Variants in RBM6 observed in about 807,000 individuals in gnomAD.
RBM6 encodes RNA binding motif protein 6.
In RBM6, 23 loss-of-function variants were observed where a neutral mutation model predicts 140.4. The observed-to-expected ratio is 0.16, with a 90% confidence interval of 0.12 to 0.23. The LOEUF is 0.23. Ranked by LOEUF, RBM6 falls within the 10% of genes least tolerant of loss-of-function variation. RBM6 has a pLI of 1.00. For missense variants in RBM6, 1,139 were observed against 1,386.7 expected, an observed-to-expected ratio of 0.82 and a Z score of 2.84; for synonymous variants, 439 against 475.6, an observed-to-expected ratio of 0.92 and a Z score of 1.00.
intron 2 of RBM6, chr3:49,962,924 C>T (rs906322093): frequency 2.9e-5 from 9 of 307,494 alleles, no homozygotes; most frequent in East Asian, 2.8e-4. Flanking sequence ...GGTGAAACCC[C>T]GTCTCTACTA....
chr3:49,955,826 GTCTCTCTCTCTCTCTGTGTC>G (rs2083956611), intron 1 of RBM6, among the ~76,000 whole-genome samples: 2 of 148,586 alleles, frequency 1.3e-5, no homozygotes, highest in South Asian at 4.3e-4. Flanking sequence ...GCAAAACTCT[GTCTCTCTCTCTCTCTGTGTC>G]TCTCTCTCTC....
chr3:50,058,458 C>A lies in RBM6; in HGVS notation c.2026C>A (p.Leu676Met). The part of the protein sequence containing the change: ...STPPEVIVEV[L>M]EPYVRLTTAN... ...ACCACCTGAGGTGATAGTGGAAGTG[C>A]TGGAGCCCTATGTCCGCCTTACTAC... is the stretch of plus-strand genomic sequence containing the variant. Residue 676 changes from leucine to methionine, a missense_variant, in exon 10 of 21, where the codon CTG becomes ATG. Around this residue, in one of 9 missense-constraint regions of RBM6, gnomAD observed 47 missense variants for 117.6 expected, o/e 0.40. Transcript: ENST00000266022. 1 of 1,607,810 alleles carries A rather than the reference C, an allele frequency of 6.2e-7. No individual in the cohort carries two copies. The highest frequency in any genetic ancestry group is 8.5e-7 in the Non-Finnish European group (1 of 1,174,230).
chr3:49,996,299 C>T (rs965609040), intron 5 of RBM6, among the ~76,000 whole-genome samples: 2 of 152,150 alleles, frequency 1.3e-5, no homozygotes, highest in African/African-American at 4.8e-5. Flanking sequence ...GTTGGACTTA[C>T]CTAAATTGAA....
intron 6 of RBM6, among the ~76,000 whole-genome samples, chr3:50,019,522 T>C (rs1251906913): frequency 1.3e-5 from 2 of 152,206 alleles, no homozygotes; most frequent in African/African-American, 4.8e-5. Flanking sequence ...CTTCTTTTTC[T>C]TTCTTTTCTT....
intron 3 of RBM6, among the ~76,000 whole-genome samples, chr3:49,969,640 C>T (rs1321025621): frequency 7.3e-5 from 11 of 151,694 alleles, no homozygotes; most frequent in African/African-American, 1.9e-4. Flanking sequence ...CTCTGTCACT[C>T]GGGCTGAAGT....
rs539002625 is a variant in RBM6 at position 50,054,315 on chromosome 3, G to GAATT, written c.1633-19_1633-18insATTA. ...TTTTAAAAATGTTTTCAGTCAAATT[G>GAATT]ATTTCCTTCTTCCTTACAGTGTAAG... is the stretch of plus-strand genomic sequence containing the variant. On this transcript the variant is annotated intron_variant, in intron 7 of 20. Coordinates refer to ENST00000266022, the MANE Select transcript of RBM6 (RefSeq NM_005777.3). The GAATT allele has an allele frequency of 7.5e-5, 120 of 1,590,948 alleles. 1 individual carries two copies. The East Asian group carries it at 1.7e-3, about 22-fold the overall frequency.
At chr3:50,016,579 T>C (rs2087159463) in intron 6 of RBM6, among the ~76,000 whole-genome samples, 3 of 152,020 alleles carry the variant, frequency 2.0e-5, no homozygotes, top group African/African-American at 7.2e-5. Flanking sequence ...GTGTAAAGGG[T>C]TCCCTTTTCT....
intron 1 of RBM6, among the ~76,000 whole-genome samples, chr3:49,946,970 A>G (rs1261100592): frequency 7.0e-6 from 1 of 143,536 alleles, no homozygotes; most frequent in Non-Finnish European, 1.5e-5. Flanking sequence ...CTTATTGGCT[A>G]TTTGCATATT....
chr3:50,000,872 A>G (rs1259432857), intron 6 of RBM6, among the ~76,000 whole-genome samples: 1 of 152,092 alleles, frequency 6.6e-6, no homozygotes, highest in Non-Finnish European at 1.5e-5. Flanking sequence ...TTCTCCTCTT[A>G]TGGGTATGGA....
chr3:49,984,606 A>ATCGCATCGCATCGCATCGCATCG (rs1559552659), intron 5 of RBM6, among the ~76,000 whole-genome samples: 105 of 99,186 alleles, frequency 1.1e-3, no homozygotes, highest in African/African-American at 4.9e-3. Context: ...ACATCACATC[A>ATCGCATCGCATCGCATCGCATCG]CATCACATCG....
intron 6 of RBM6, among the ~76,000 whole-genome samples, chr3:50,021,157 C>T (rs1388141114): frequency 2.6e-5 from 4 of 152,044 alleles, no homozygotes; most frequent in Non-Finnish European, 4.4e-5. Context: ...ATATGTAGTT[C>T]GCTGTTGCTG....
In RBM6 at chr3:49,967,830, T is replaced by C. The variant is rs1182327386; in HGVS notation, c.405T>C (p.Tyr135=). ...ATAGAGAAGGACCACCTATGGACTA[T>C]AGGGGTGGAGATGGTACTTCTATGG... The part of the protein sequence containing the change: ...FRDREGPPMD[Y]RGGDGTSMDY... Residue 135 remains tyrosine, a synonymous_variant, in exon 3 of 21, where the codon TAT becomes TAC. Transcript: ENST00000266022. This position sits in a 1 kb window ranked among gnomAD's most constrained non-coding sequence, Gnocchi z 4.0. 2.5e-6 allele frequency: 4 copies of C among 1,614,012 alleles called. No individual in the cohort carries two copies. The highest frequency in any genetic ancestry group is 8.5e-7 in the Non-Finnish European group (1 of 1,180,014).
intron 7 of RBM6, among the ~76,000 whole-genome samples, chr3:50,049,148 G>A (rs973685450): frequency 9.2e-5 from 14 of 151,664 alleles, no homozygotes; most frequent in African/African-American, 2.9e-4. Flanking sequence ...TTGCTCTGTC[G>A]CCCAGGCTGG....
Position 50,076,529 on chromosome 3 carries a change from C to A in RBM6, c.3247-479C>A, listed in dbSNP as rs1195174545. 2.0e-5 allele frequency among the ~76,000 whole-genome samples: 3 copies of A among 151,858 alleles called. No homozygotes were observed. The East Asian group carries it at 5.9e-4, about 30-fold the overall frequency. ...CCGGGGAGGCAGAGGTTGCAGTGAG[C>A]CAAGATCTTGATCGTGCCACTGCAC... On this transcript the variant is annotated intron_variant, in intron 20 of 20. Coordinates refer to ENST00000266022, the MANE Select transcript of RBM6 (RefSeq NM_005777.3).
rs751604271 is a variant in RBM6 at position 49,982,262 on chromosome 3, C to CTTTTTTTTTTTTTTT, written c.1483+6884_1483+6898dup. Among the ~76,000 whole-genome samples, 126 of 68,332 alleles carry CTTTTTTTTTTTTTTT rather than the reference C, an allele frequency of 1.8e-3. 4 individuals carry two copies. Among genetic ancestry groups the CTTTTTTTTTTTTTTT allele is most frequent in the African/African-American group, 2.1e-3 (35 of 16,752 alleles). The allele number at this position is 68,332 out of a possible 152,430, so 44.8% of individuals were successfully genotyped here. A position where few individuals can be genotyped will look rare whatever the true frequency, so the allele number is the denominator to read the frequency against. ...GTACCTTCTGCATTTCTTTTCTTTT[C>CTTTTTTTTTTTTTTT]TTTTTTTTTTTTTTTTTTTTTTTTT... On this transcript the variant is annotated intron_variant, in intron 5 of 20. Coordinates refer to ENST00000266022, the MANE Select transcript of RBM6 (RefSeq NM_005777.3).
At chr3:50,040,263 G>C (rs1020700495) in intron 6 of RBM6, among the ~76,000 whole-genome samples, 1 of 151,592 alleles carries the variant, frequency 6.6e-6, no homozygotes, top group Non-Finnish European at 1.5e-5. Context: ...TGGCTAACAC[G>C]GTGAAACCCC....
intron 20 of RBM6, 135 bp downstream of exon 20, chr3:50,075,465 A>C: frequency 8.2e-7 from 1 of 1,220,674 alleles, no homozygotes; most frequent in Non-Finnish European, 1.1e-6. Flanking sequence ...AGAGTTGAAC[A>C]CTTTAGCCTT....
At chr3:49,980,824 T>C (rs1037714097) in intron 5 of RBM6, among the ~76,000 whole-genome samples, 3 of 152,018 alleles carry the variant, frequency 2.0e-5, no homozygotes, top group African/African-American at 7.2e-5. Flanking sequence ...CCCTGTACTA[T>C]TATTATTGCA....
intron 8 of RBM6, among the ~76,000 whole-genome samples, chr3:50,055,526 T>G (rs2089665432): frequency 6.6e-6 from 1 of 152,208 alleles, no homozygotes; most frequent in Non-Finnish European, 1.5e-5. Flanking sequence ...GCTCCTAGGC[T>G]AAAGTGGCTA....
Sources: gnomAD v4.1 joint callset for allele counts (sites outside exome capture counted in the v4.1 genomes callset) on GRCh38, gnomAD v4.1.1 for gene constraint, gnomAD v4.1.1 regional missense constraint, Gnocchi (gnomAD v3.1) non-coding constraint, MANE v1.5 for transcripts, NCBI Gene and HGNC (gene_info 2026-07-23, HGNC 2026-07-21) for gene names.